The following DGKD variants were observed in gnomAD, a reference collection of about 807,000 sequenced individuals.
DGKD encodes the protein DAG kinase delta.
Under a neutral mutation model 154.4 loss-of-function variants are expected in DGKD, and 68 were observed. That is an observed-to-expected ratio of 0.44 (90% CI 0.36 to 0.54). DGKD has a LOEUF of 0.54. Ranked by LOEUF, DGKD falls within the 20% of genes least tolerant of loss-of-function variation. DGKD has a pLI of 0.00. For synonymous variants in DGKD, 693 were observed against 638.0 expected (o/e 1.09, Z -1.30); for missense variants, 1,343 against 1,593.6 (o/e 0.84, Z 2.68).
chr2:233,457,347 C>T lies in DGKD; in HGVS notation c.2580+19C>T, dbSNP rs369563791. On this transcript the variant is annotated intron_variant, in intron 21 of 29. Coordinates refer to ENST00000264057, the MANE Select transcript of DGKD (RefSeq NM_152879.3). This position sits in a 1 kb window ranked among gnomAD's most constrained non-coding sequence, Gnocchi z 5.5. The stretch of plus-strand genomic sequence containing the variant: ...AGATGATGTATGTATGGGGTGTGAG[C>T]GGGTGGGCCTGAGCTCAGTGGGGAA... 1.0e-5 allele frequency: 16 copies of T among 1,542,492 alleles called. No individual in the cohort carries two copies. The highest frequency in any genetic ancestry group is 6.8e-5 in the African/African-American group (5 of 73,482).
chr2:233,463,738 C>T, intron 26 of DGKD: 1 of 235,438 alleles, frequency 4.2e-6, no homozygotes, highest in Non-Finnish European at 8.6e-6. Context: ...CTACGCATCT[C>T]CTTATCCCAT....
intron 3 of DGKD, among the ~76,000 whole-genome samples, chr2:233,396,146 G>A (rs1224956922): frequency 6.6e-6 from 1 of 152,144 alleles, no homozygotes; most frequent in African/African-American, 2.4e-5. Context: ...GAGCAGGCTC[G>A]ATGCTGTTGC....
chr2:233,419,883 G>A (rs1451308580), intron 3 of DGKD, among the ~76,000 whole-genome samples: 1 of 152,172 alleles, frequency 6.6e-6, no homozygotes, highest in Non-Finnish European at 1.5e-5. Flanking sequence ...GTGGAGGGGT[G>A]TGTGTTGGGA....
intron 3 of DGKD, among the ~76,000 whole-genome samples, chr2:233,400,711 C>T (rs564360379): frequency 6.6e-6 from 1 of 152,116 alleles, no homozygotes; most frequent in African/African-American, 2.4e-5. Flanking sequence ...CCCTGGTCAC[C>T]TCTCATGGGC....
intron 1 of DGKD, 189 bp from the exon 2 acceptor site, chr2:233,388,068 T>C (rs1350663407): frequency 7.6e-7 from 1 of 1,320,118 alleles, no homozygotes; most frequent in East Asian, 2.6e-5. Flanking sequence ...GAGGACAGGA[T>C]TGGTGCAACC....
In DGKD at chr2:233,458,346, G is replaced by A. The variant is rs745754718; in HGVS notation, c.2643G>A (p.Met881Ile). ...ILEVVAVFGS[M>I]QMAVSRVIRL... Reference sequence around the variant, plus strand: ...AGGTGGTCGCCGTGTTCGGCAGCATGCAGATGGCCGTCTCTCGAGTCATCA... The same window carrying A: ...AGGTGGTCGCCGTGTTCGGCAGCATACAGATGGCCGTCTCTCGAGTCATCA... The change falls in exon 22 of 30, where the codon ATG (methionine) becomes ATA (isoleucine). Residue 881 changes from methionine to isoleucine, a missense_variant. Met to Ile is a conservative substitution (Grantham distance 10, BLOSUM62 1). Coordinates refer to ENST00000264057, the MANE Select transcript of DGKD (RefSeq NM_152879.3). The surrounding 1 kb of genome is among the most constrained non-coding windows in gnomAD (Gnocchi z 6.6). 1.9e-6 allele frequency: 3 copies of A among 1,612,226 alleles called. No homozygotes were observed. Among genetic ancestry groups the A allele is most frequent in the Non-Finnish European group, 2.5e-6 (3 of 1,179,924 alleles).
intron 3 of DGKD, among the ~76,000 whole-genome samples, chr2:233,391,455 T>A (rs1450480700): frequency 2.6e-5 from 4 of 152,152 alleles, no homozygotes; most frequent in African/African-American, 9.7e-5. Flanking sequence ...TCATGTCAGC[T>A]GATCTAAATG....
Position 233,438,260 on chromosome 2 carries a change from G to C in DGKD, c.966G>C (p.Leu322=). 1 of 1,614,212 alleles carries C rather than the reference G, an allele frequency of 6.2e-7. No homozygotes were observed. Among genetic ancestry groups the C allele is most frequent in the Non-Finnish European group, 8.5e-7 (1 of 1,180,046 alleles). ...ASCPPSCTSP[L]LVFVNSKSGD... is the part of the protein sequence containing the mutation. ...GTCCTCCTTCTTGCACAAGCCCACT[G>C]TTGGTCTTCGTCAATTCAAAAAGTG... is the stretch of plus-strand genomic sequence containing the variant. Residue 322 remains leucine (L), a synonymous_variant, in exon 9 of 30, where the codon CTG becomes CTC. Coordinates refer to ENST00000264057, the MANE Select transcript of DGKD (RefSeq NM_152879.3). This position sits in a 1 kb window ranked among gnomAD's most constrained non-coding sequence, Gnocchi z 4.1.
chr2:233,468,327 C>A, intron 28 of DGKD, 96 bp from the exon 29 acceptor site: 1 of 1,503,662 alleles, frequency 6.7e-7, no homozygotes, highest in Non-Finnish European at 9.1e-7. Flanking sequence ...GTCTCCTGTC[C>A]TGGCACTGGG....
At chr2:233,447,699 A>G (rs112061318) in intron 12 of DGKD, 3 of 1,083,074 alleles carry the variant, frequency 2.8e-6, no homozygotes, top group South Asian at 2.7e-5. Context: ...GTGTGTCCAG[A>G]TGGGGCTCAC....
chr2:233,359,281 G>A (rs1701669939), intron 1 of DGKD, among the ~76,000 whole-genome samples: 1 of 152,168 alleles, frequency 6.6e-6, no homozygotes, highest in Non-Finnish European at 1.5e-5. Context: ...TCTTGGGTTG[G>A]TTGTAGTGAA....
intron 3 of DGKD, among the ~76,000 whole-genome samples, chr2:233,401,457 T>G (rs989799604): frequency 2.6e-5 from 4 of 152,236 alleles, no homozygotes; most frequent in African/African-American, 9.6e-5. Context: ...TCACTACTAA[T>G]TAGTCCAGAT....
intron 3 of DGKD, among the ~76,000 whole-genome samples, chr2:233,406,537 C>T (rs1290149453): frequency 1.3e-5 from 2 of 152,084 alleles, no homozygotes. Context: ...TGTTGTTGGA[C>T]GGGGAGACGA....
chr2:233,435,382 C>T lies in DGKD; in HGVS notation c.587-436C>T, dbSNP rs143794227. On this transcript the variant is annotated intron_variant, in intron 5 of 29. Coordinates refer to ENST00000264057, the MANE Select transcript of DGKD (RefSeq NM_152879.3). Reference sequence around the variant, plus strand: ...CACCCTGCCTCTGCCTGTTTTTGTACAGCTCCCACGCTTCAGACTGGCTTT... The same window carrying T: ...CACCCTGCCTCTGCCTGTTTTTGTATAGCTCCCACGCTTCAGACTGGCTTT... Among the ~76,000 whole-genome samples, 534 of 152,322 alleles carry T rather than the reference C, an allele frequency of 3.5e-3. 6 individuals are homozygous for T. The highest frequency in any genetic ancestry group is 0.012 in the African/African-American group (511 of 41,584).
intron 3 of DGKD, among the ~76,000 whole-genome samples, chr2:233,393,952 A>C (rs1347456905): frequency 6.6e-6 from 1 of 152,164 alleles, no homozygotes; most frequent in Non-Finnish European, 1.5e-5. Flanking sequence ...CTGGGATTAC[A>C]GGTGTGAGCC....
Position 233,452,076 on chromosome 2 carries a change from A to G in DGKD, c.2264+16A>G. 6.2e-7 allele frequency: 1 copy of G among 1,605,206 alleles called. No individual in the cohort carries two copies. Among genetic ancestry groups the G allele is most frequent in the Non-Finnish European group, 8.5e-7 (1 of 1,171,944 alleles). On this transcript the variant is annotated intron_variant, in intron 18 of 29. Transcript: ENST00000264057. This position sits in a 1 kb window ranked among gnomAD's most constrained non-coding sequence, Gnocchi z 4.0. ...CAGAAACCCTGTGAGTATGAGGGAT[A>G]AACCGAGTGGGCATATTGTTACATG...
intron 1 of DGKD, among the ~76,000 whole-genome samples, chr2:233,371,761 G>C (rs895609688): frequency 6.6e-6 from 1 of 152,190 alleles, no homozygotes; most frequent in African/African-American, 2.4e-5. Context: ...TGGATGTGCA[G>C]TTGCTCCAGC....
chr2:233,377,078 C>CTTTT (rs755610624), intron 1 of DGKD, among the ~76,000 whole-genome samples: 4 of 129,308 alleles, frequency 3.1e-5, no homozygotes, highest in African/African-American at 9.0e-5. Context: ...TAGCATGTTC[C>CTTTT]TTTTTTTTTT....
intron 1 of DGKD, among the ~76,000 whole-genome samples, chr2:233,380,351 G>A (rs1030829763): frequency 6.6e-6 from 1 of 152,190 alleles, no homozygotes; most frequent in African/African-American, 2.4e-5. Flanking sequence ...AGTGAACTCA[G>A]CCAACCCATC....
Sources: allele counts gnomAD v4.1 joint callset (sites outside exome capture counted in the v4.1 genomes callset), GRCh38; gene constraint gnomAD v4.1.1; non-coding constraint Gnocchi (gnomAD v3.1); transcripts MANE v1.5; gene names NCBI Gene and HGNC (gene_info 2026-07-23, HGNC 2026-07-21).